OSTN: variants seen among roughly 807,000 people sequenced by gnomAD.
OSTN encodes the protein osteocrin.
Under a neutral mutation model 12.0 loss-of-function variants are expected in OSTN, and 9 were observed. That is an observed-to-expected ratio of 0.75 (90% CI 0.45 to 1.30). OSTN has a LOEUF of 1.30. OSTN is among the 50% of genes most tolerant of loss of function. The pLI is 0.00. For synonymous variants in OSTN, 59 were observed against 56.9 expected (o/e 1.04, Z -0.16); for missense variants, 148 against 152.3 (o/e 0.97, Z 0.15).
At chr3:191,216,234 C>T (rs546532530) in intron 2 of OSTN, among the ~76,000 whole-genome samples, 1 of 152,252 alleles carries the variant, frequency 6.6e-6, no homozygotes, top group East Asian at 1.9e-4. Flanking sequence ...GGATGCAAGG[C>T]ACCAAGTCCC....
intron 3 of OSTN, among the ~76,000 whole-genome samples, chr3:191,225,814 G>C (rs1714894865): frequency 6.6e-6 from 1 of 151,924 alleles, no homozygotes; most frequent in Non-Finnish European, 1.5e-5. Flanking sequence ...ATAGACCCTG[G>C]AGGCTACAAA....
intron 3 of OSTN, among the ~76,000 whole-genome samples, chr3:191,242,778 A>G (rs903166331): frequency 6.6e-6 from 1 of 152,204 alleles, no homozygotes; most frequent in Non-Finnish European, 1.5e-5. Flanking sequence ...TATCTTCATA[A>G]TATTAGGGTA....
In OSTN at chr3:191,199,933, C is replaced by T. The variant is rs530060001; in HGVS notation, c.-1+626C>T. 7.2e-5 allele frequency among the ~76,000 whole-genome samples: 11 copies of T among 152,164 alleles called. No homozygotes were observed. The South Asian group carries it at 1.0e-3, about 14-fold the overall frequency. ...AGTTAATCTGAAACATACATTTGAGCTCTGTTGGAGAAGAAATTTAAAATT... is the reference window on the plus strand; with the variant it reads ...AGTTAATCTGAAACATACATTTGAGTTCTGTTGGAGAAGAAATTTAAAATT... On this transcript the variant is annotated intron_variant, in intron 1 of 4. Coordinates refer to ENST00000682035, the MANE Select transcript of OSTN (RefSeq NM_198184.2).
At chr3:191,256,053 T>G (rs1405995502) in intron 4 of OSTN, among the ~76,000 whole-genome samples, 2 of 151,986 alleles carry the variant, frequency 1.3e-5, no homozygotes, top group Non-Finnish European at 2.9e-5. Flanking sequence ...CAGAGTAAAA[T>G]AATAATTGTC....
intron 3 of OSTN, among the ~76,000 whole-genome samples, chr3:191,229,111 A>G (rs1714986177): frequency 6.6e-6 from 1 of 152,254 alleles, no homozygotes; most frequent in African/African-American, 2.4e-5. Context: ...CAAATAGCAA[A>G]ATCCAGACTG....
At chr3:191,239,572 A>G (rs1430103157) in intron 3 of OSTN, among the ~76,000 whole-genome samples, 1 of 152,262 alleles carries the variant, frequency 6.6e-6, no homozygotes, top group Non-Finnish European at 1.5e-5. Flanking sequence ...TCAGAAGCTG[A>G]CATTATGCCT....
intron 3 of OSTN, among the ~76,000 whole-genome samples, chr3:191,241,508 G>C (rs1378103692): frequency 6.6e-6 from 1 of 152,084 alleles, no homozygotes; most frequent in East Asian, 1.9e-4. Flanking sequence ...CTTAAAGGAG[G>C]ACTAGCATTT....
In OSTN at chr3:191,239,964, C is replaced by T. The variant is rs117829406; in HGVS notation, c.318-10073C>T. ...ATACAGGGAGAAAACAACAGGAAGCCCTGTGAAATTCAGATGTAAAGACAC... is the reference window on the plus strand; with the variant it reads ...ATACAGGGAGAAAACAACAGGAAGCTCTGTGAAATTCAGATGTAAAGACAC... On this transcript the variant is annotated intron_variant, in intron 3 of 4. Transcript: ENST00000682035. Among the ~76,000 whole-genome samples the T allele has an allele frequency of 5.2e-3, 784 of 152,200 alleles. 30 individuals carry two copies. In the East Asian group the frequency reaches 0.068, roughly 13 times the overall value.
At chr3:191,207,787 T>C (rs1375143667) in intron 1 of OSTN, among the ~76,000 whole-genome samples, 1 of 152,160 alleles carries the variant, frequency 6.6e-6, no homozygotes, top group African/African-American at 2.4e-5. Context: ...AAATATACAA[T>C]ATATCCCAAA....
At chr3:191,222,842 A>T (rs1024806376) in intron 3 of OSTN, among the ~76,000 whole-genome samples, 2 of 151,786 alleles carry the variant, frequency 1.3e-5, no homozygotes, top group Non-Finnish European at 2.9e-5. Context: ...TTCTCATGAG[A>T]GTGAGTGAGT....
chr3:191,249,884 G>T (rs970249713), intron 3 of OSTN, among the ~76,000 whole-genome samples, 153 bp from the exon 4 acceptor site: 5 of 152,144 alleles, frequency 3.3e-5, no homozygotes, highest in African/African-American at 1.2e-4. Context: ...ATATGAGATA[G>T]TGTCTGGCAC....
chr3:191,204,529 G>A, intron 1 of OSTN, among the ~76,000 whole-genome samples: 1 of 151,956 alleles, frequency 6.6e-6, no homozygotes. Context: ...GCTTCTAAGT[G>A]ACACAGCCAC....
intron 3 of OSTN, 121 bp from the exon 4 acceptor site, chr3:191,249,916 G>GAT: frequency 1.4e-6 from 1 of 691,364 alleles, no homozygotes; most frequent in Non-Finnish European, 2.6e-6. Flanking sequence ...TGGTGAGTGG[G>GAT]AACTATCATG....
chr3:191,261,706 C>T (rs1003750633), intron 4 of OSTN, among the ~76,000 whole-genome samples: 1 of 152,152 alleles, frequency 6.6e-6, no homozygotes, highest in South Asian at 2.1e-4. Context: ...TTCCCTGATA[C>T]GTATTTTTGA....
intron 4 of OSTN, among the ~76,000 whole-genome samples, chr3:191,256,766 T>G (rs573568026): frequency 8.8e-6 from 1 of 113,994 alleles, no homozygotes; most frequent in Admixed American, 9.3e-5. Context: ...TAAAGCTAAT[T>G]TTAATAAGTT....
At chr3:191,260,537 G>A (rs749759590) in intron 4 of OSTN, among the ~76,000 whole-genome samples, 2 of 152,156 alleles carry the variant, frequency 1.3e-5, no homozygotes, top group Non-Finnish European at 2.9e-5. Context: ...TCCTGGGATT[G>A]GACTTTCCCG....
At chr3:191,212,965 G>T (rs1165924414) in intron 2 of OSTN, among the ~76,000 whole-genome samples, 1 of 141,304 alleles carries the variant, frequency 7.1e-6, no homozygotes, top group Non-Finnish European at 1.5e-5. Context: ...CCACCTCCCA[G>T]GTTCAAGCGA....
At chr3:191,250,322 A>G (rs746109848) in intron 4 of OSTN, among the ~76,000 whole-genome samples, 189 bp downstream of exon 4, 7 of 152,206 alleles carry the variant, frequency 4.6e-5, no homozygotes, top group African/African-American at 1.7e-4. Flanking sequence ...GATATTTAAA[A>G]AGCAAAAGAA....
rs73888518 is a variant in OSTN, at chr3:191,260,263, C to G, written c.*13-2603C>G. Among the ~76,000 whole-genome samples, 8 of 151,714 alleles carry G rather than the reference C, an allele frequency of 5.3e-5. 1 individual carries two copies. In the East Asian group the frequency reaches 1.5e-3, roughly 29 times the overall value. Reference sequence around the variant, plus strand: ...CTTAAAGGATCCGTCTTCTGGCCACCGACAATTAGGGTTTCCAGTGGTGTA... The same window carrying G: ...CTTAAAGGATCCGTCTTCTGGCCACGGACAATTAGGGTTTCCAGTGGTGTA... On this transcript the variant is annotated intron_variant, in intron 4 of 4. Transcript: ENST00000682035.
Sources: allele counts gnomAD v4.1 joint callset (sites outside exome capture counted in the v4.1 genomes callset), GRCh38; gene constraint gnomAD v4.1.1; transcripts MANE v1.5; gene names NCBI Gene and HGNC (gene_info 2026-07-23, HGNC 2026-07-21).